The following TRPC4 variants were observed in gnomAD, a reference collection of about 807,000 sequenced individuals.
TRPC4 encodes transient receptor potential cation channel subfamily C member 4.
Under a neutral mutation model 99.4 loss-of-function variants are expected in TRPC4, and 49 were observed. That is an observed-to-expected ratio of 0.49 (90% CI 0.39 to 0.63). The LOEUF is 0.63. TRPC4 is among the 20% of genes least tolerant of loss of function. The pLI is 0.00. For synonymous variants in TRPC4, 454 were observed against 425.9 expected, an observed-to-expected ratio of 1.07 and a Z score of -0.81; for missense variants, 898 against 1,152.9, an observed-to-expected ratio of 0.78 and a Z score of 3.20.
intron 1 of TRPC4, among the ~76,000 whole-genome samples, chr13:37,857,139 A>G (rs555007854): frequency 6.6e-6 from 1 of 151,828 alleles, no homozygotes; most frequent in East Asian, 1.9e-4. Context: ...AACAGTAAAC[A>G]ATCTGACAAA....
chr13:37,748,047 G>A (rs145285982), intron 2 of TRPC4, among the ~76,000 whole-genome samples: 7 of 152,244 alleles, frequency 4.6e-5, no homozygotes, highest in Non-Finnish European at 7.4e-5. Context: ...TACGTCCCAG[G>A]TGAGATGGAG....
At chr13:37,704,264 T>C (rs1266364568) in intron 3 of TRPC4, among the ~76,000 whole-genome samples, 1 of 152,236 alleles carries the variant, frequency 6.6e-6, no homozygotes, top group Non-Finnish European at 1.5e-5. Flanking sequence ...GTGATGGTGA[T>C]GGATGTGTTC....
intron 4 of TRPC4, among the ~76,000 whole-genome samples, chr13:37,679,965 C>T (rs549503546): frequency 2.0e-4 from 30 of 152,206 alleles, no homozygotes; most frequent in African/African-American, 4.6e-4. Flanking sequence ...TGGCTACAGA[C>T]GCAGAATTCA....
intron 4 of TRPC4, among the ~76,000 whole-genome samples, chr13:37,691,342 G>C (rs1329489840): frequency 6.6e-6 from 1 of 152,060 alleles, no homozygotes; most frequent in Admixed American, 6.6e-5. Flanking sequence ...CTGACCTCGT[G>C]ATCCGCCCGC....
At chr13:37,726,877 T>C (rs1416070347) in intron 3 of TRPC4, among the ~76,000 whole-genome samples, 1 of 152,166 alleles carries the variant, frequency 6.6e-6, no homozygotes, top group Non-Finnish European at 1.5e-5. Flanking sequence ...ATAAAAGGTT[T>C]ATTACAAGAA....
At chr13:37,661,666 G>T (rs753929223) in intron 6 of TRPC4, among the ~76,000 whole-genome samples, 18 of 152,172 alleles carry the variant, frequency 1.2e-4, no homozygotes, top group Non-Finnish European at 2.2e-4. Context: ...AAATCCAGGA[G>T]ACCAGCTGGC....
intron 1 of TRPC4, among the ~76,000 whole-genome samples, chr13:37,831,879 G>A (rs926908523): frequency 6.6e-6 from 1 of 152,078 alleles, no homozygotes; most frequent in Non-Finnish European, 1.5e-5. Flanking sequence ...ACCAGAGTCT[G>A]GCAGGAGGGT....
At chr13:37,838,362 C>G (rs937658402) in intron 1 of TRPC4, among the ~76,000 whole-genome samples, 1 of 152,172 alleles carries the variant, frequency 6.6e-6, no homozygotes, top group African/African-American at 2.4e-5. Context: ...TGGGGCATAG[C>G]CTAGCAATCT....
At chr13:37,722,293 T>C (rs1286605265) in intron 3 of TRPC4, among the ~76,000 whole-genome samples, 3 of 152,180 alleles carry the variant, frequency 2.0e-5, no homozygotes, top group African/African-American at 4.8e-5. Flanking sequence ...TTGGACACAC[T>C]GGAGTCAAAT....
intron 3 of TRPC4, among the ~76,000 whole-genome samples, chr13:37,706,748 C>A (rs76077984): frequency 6.6e-6 from 1 of 151,172 alleles, no homozygotes; most frequent in African/African-American, 2.4e-5. Context: ...TTTGTTCTTG[C>A]GATAGTTTGC....
At chr13:37,831,596 A>G (rs1165572263) in intron 1 of TRPC4, among the ~76,000 whole-genome samples, 1 of 152,234 alleles carries the variant, frequency 6.6e-6, no homozygotes, top group East Asian at 1.9e-4. Context: ...TTCATTACAG[A>G]ATTATTCACA....
At chr13:37,692,410 C>A in intron 3 of TRPC4, 75 bp from the exon 4 acceptor site, 1 of 1,247,146 alleles carries the variant, frequency 8.0e-7, no homozygotes, top group South Asian at 1.5e-5. Flanking sequence ...AATAAGAACA[C>A]AATTGTGATC....
intron 3 of TRPC4, among the ~76,000 whole-genome samples, chr13:37,699,176 T>C (rs1954019652): frequency 6.6e-6 from 1 of 152,034 alleles, no homozygotes; most frequent in South Asian, 2.1e-4. Flanking sequence ...TCTCATAGGG[T>C]TATTGAAAAA....
chr13:37,719,533 T>C (rs566594713), intron 3 of TRPC4, among the ~76,000 whole-genome samples: 1 of 152,154 alleles, frequency 6.6e-6, no homozygotes, highest in South Asian at 2.1e-4. Flanking sequence ...GGCAAATAGG[T>C]ATATAAAAGA....
intron 1 of TRPC4, among the ~76,000 whole-genome samples, chr13:37,868,621 T>C (rs1408057064): frequency 7.1e-6 from 1 of 140,416 alleles, no homozygotes; most frequent in Non-Finnish European, 1.5e-5. Flanking sequence ...GAAAAAGTTT[T>C]ACAAGTCTGT....
rs1169073803 is a variant in TRPC4, at chr13:37,637,304, A to C, written c.2533T>G (p.Phe845Val). The change falls in exon 11 of 11, where the codon TTT becomes GTT. Residue 845 changes from phenylalanine to valine, a missense_variant. Around this residue, in one of 3 missense-constraint regions of TRPC4, gnomAD observed 346 missense variants for 351.4 expected, o/e 0.98. Coordinates refer to ENST00000379705, the MANE Select transcript of TRPC4 (RefSeq NM_016179.4). ...KVNFVTDIKN[F>V]GLFHRRSKQN... ...TTTGATCGTCTATGAAATAACCCAA[A>C]GTTTTTGATATCGGTCACAAAATTC... The C allele has an allele frequency of 6.2e-7, 1 of 1,613,744 alleles. No homozygotes were observed. Among genetic ancestry groups the C allele is most frequent in the Non-Finnish European group, 8.5e-7 (1 of 1,179,858 alleles).
intron 2 of TRPC4, among the ~76,000 whole-genome samples, chr13:37,767,865 A>T (rs752368323): frequency 1.3e-5 from 2 of 151,444 alleles, no homozygotes; most frequent in Admixed American, 1.3e-4. Context: ...AGAAAACAGA[A>T]AAGACTAAGA....
intron 1 of TRPC4, among the ~76,000 whole-genome samples, chr13:37,816,298 G>A (rs1317704852): frequency 6.6e-6 from 1 of 151,818 alleles, no homozygotes; most frequent in Non-Finnish European, 1.5e-5. Flanking sequence ...AAGAGACTTA[G>A]ATACACACAC....
At chr13:37,770,742 T>C (rs1956529584) in intron 2 of TRPC4, among the ~76,000 whole-genome samples, 1 of 151,622 alleles carries the variant, frequency 6.6e-6, no homozygotes, top group African/African-American at 2.4e-5. Flanking sequence ...TTTTAAAGTT[T>C]AAGCATTTTA....
Sources: gnomAD v4.1 joint callset for allele counts (sites outside exome capture counted in the v4.1 genomes callset) on GRCh38, gnomAD v4.1.1 for gene constraint, gnomAD v4.1.1 regional missense constraint, MANE v1.5 for transcripts, NCBI Gene and HGNC (gene_info 2026-07-23, HGNC 2026-07-21) for gene names.